Variants in RANBP2 observed in about 807,000 individuals in gnomAD.
The protein encoded by RANBP2 is RAN binding protein 2, also known as E3 SUMO-protein ligase RanBP2.
RANBP2 carries 57 observed loss-of-function variants against 303.6 expected under a neutral mutation model. That is an observed-to-expected ratio of 0.19 (90% CI 0.15 to 0.23). The LOEUF (loss-of-function observed/expected upper bound fraction) is 0.23. Among genes scored for constraint, RANBP2 ranks in the 10% least tolerant of loss-of-function variants. The pLI, the probability that RANBP2 is intolerant of heterozygous loss-of-function variation, is 1.00. For synonymous variants in RANBP2, 1,167 were observed against 1,301.5 expected, an observed-to-expected ratio of 0.90 and a Z score of 2.23; for missense variants, 3,138 against 3,780.8, an observed-to-expected ratio of 0.83 and a Z score of 4.46.
the RANBP2 span, among the ~76,000 whole-genome samples, chr2:109,424,923 G>A: frequency 6.6e-6 from 1 of 152,186 alleles, no homozygotes; most frequent in African/African-American, 2.4e-5. Flanking sequence ...TAAGCTTGGC[G>A]AGGAAGTCAT....
the RANBP2 span, among the ~76,000 whole-genome samples, chr2:109,383,591 C>A: frequency 1.5e-4 from 23 of 152,174 alleles, no homozygotes; most frequent in South Asian, 1.2e-3. Flanking sequence ...CCGGGAAATG[C>A]CCAAACCGTG....
At chr2:109,379,665 C>G in the RANBP2 span, among the ~76,000 whole-genome samples, 1 of 152,192 alleles carries the variant, frequency 6.6e-6, no homozygotes, top group Non-Finnish European at 1.5e-5. Context: ...CCTGCCGCAG[C>G]GACAGCCTGT....
At chr2:109,433,668 C>T in the RANBP2 span, among the ~76,000 whole-genome samples, 1 of 152,166 alleles carries the variant, frequency 6.6e-6, no homozygotes, top group Non-Finnish European at 1.5e-5. Context: ...GGGACACATG[C>T]GGTGTTGACT....
the RANBP2 span, among the ~76,000 whole-genome samples, chr2:109,601,555 C>A: frequency 4.6e-5 from 7 of 152,260 alleles, no homozygotes; most frequent in African/African-American, 1.4e-4. Flanking sequence ...TTCATGTTTT[C>A]CCACTTGCCT....
the RANBP2 span, among the ~76,000 whole-genome samples, chr2:108,874,287 T>A: frequency 6.6e-6 from 1 of 152,194 alleles, no homozygotes. Context: ...TAGTAAACTC[T>A]TATGGACTGC....
At chr2:109,527,556 G>A in the RANBP2 span, among the ~76,000 whole-genome samples, 7 of 152,096 alleles carry the variant, frequency 4.6e-5, no homozygotes, top group Non-Finnish European at 8.8e-5. Flanking sequence ...GATGTCACTG[G>A]ACCCACAGCC....
chr2:109,246,227 G>A, the RANBP2 span, among the ~76,000 whole-genome samples: 1,322 of 152,286 alleles, frequency 8.7e-3, 22 homozygotes, highest in African/African-American at 0.03. Flanking sequence ...GTTTAAAAGC[G>A]GCAGCAATTT....
At chr2:109,628,689 G>C in the RANBP2 span, among the ~76,000 whole-genome samples, 2 of 151,898 alleles carry the variant, frequency 1.3e-5, no homozygotes, top group Non-Finnish European at 2.9e-5. Context: ...CTCTCTGCTT[G>C]CTTATGTATA....
At chr2:108,810,827 G>C in the RANBP2 span, among the ~76,000 whole-genome samples, 3 of 152,168 alleles carry the variant, frequency 2.0e-5, no homozygotes, top group African/African-American at 7.2e-5. Context: ...GCTTTTCTTT[G>C]TTGGGAAACT....
At chr2:109,212,472 TCCTGACTG>T in the RANBP2 span, among the ~76,000 whole-genome samples, 1 of 152,190 alleles carries the variant, frequency 6.6e-6, no homozygotes, top group Non-Finnish European at 1.5e-5. Flanking sequence ...TTAGCAACCA[TCCTGACTG>T]CATTGTGAGG....
chr2:109,147,054 A>G, the RANBP2 span, among the ~76,000 whole-genome samples: 1 of 151,794 alleles, frequency 6.6e-6, no homozygotes, highest in South Asian at 2.1e-4. Flanking sequence ...TGCCCTCCCA[A>G]CAACTGTCCA....
the RANBP2 span, chr2:109,501,770 T>A: frequency 1.5e-6 from 1 of 648,166 alleles, no homozygotes. Context: ...GGGTTCCAGG[T>A]CATCTCCAAG....
chr2:109,092,248 G>A, the RANBP2 span, among the ~76,000 whole-genome samples: 1 of 152,106 alleles, frequency 6.6e-6, no homozygotes, highest in Admixed American at 6.5e-5. Context: ...CTGTCTTTTG[G>A]TAAGCGCAAC....
At chr2:109,297,223 G>T in the RANBP2 span, among the ~76,000 whole-genome samples, 2 of 152,020 alleles carry the variant, frequency 1.3e-5, no homozygotes, top group African/African-American at 4.8e-5. Flanking sequence ...GATTCATTCA[G>T]CTGTTTTTCA....
the RANBP2 span, among the ~76,000 whole-genome samples, chr2:108,813,364 T>C: frequency 6.6e-6 from 1 of 152,038 alleles, no homozygotes; most frequent in Non-Finnish European, 1.5e-5. Flanking sequence ...GAATGTTTGC[T>C]ATGGAAGGGA....
At chr2:109,297,858 C>G in the RANBP2 span, among the ~76,000 whole-genome samples, 2 of 152,168 alleles carry the variant, frequency 1.3e-5, no homozygotes, top group Admixed American at 1.3e-4. Context: ...GCCAGTTCGC[C>G]CCACCCAGGC....
At chr2:108,875,958 C>T in the RANBP2 span, 1 of 569,960 alleles carries the variant, frequency 1.8e-6, no homozygotes, top group Admixed American at 3.2e-5. Flanking sequence ...CTTTTAGTTG[C>T]CTATTTTCTC....
At chr2:109,317,806 C>T in the RANBP2 span, among the ~76,000 whole-genome samples, 1 of 152,084 alleles carries the variant, frequency 6.6e-6, no homozygotes, top group South Asian at 2.1e-4. Context: ...GGGATGTATC[C>T]TAGGACTTTA....
chr2:109,583,864 T>A, the RANBP2 span, among the ~76,000 whole-genome samples: 1 of 152,166 alleles, frequency 6.6e-6, no homozygotes, highest in South Asian at 2.1e-4. Flanking sequence ...GAGGCCGTTA[T>A]CCTAAGCAAA....
Sources: gnomAD v4.1 joint callset for allele counts (sites outside exome capture counted in the v4.1 genomes callset) on GRCh38, gnomAD v4.1.1 for gene constraint, MANE v1.5 for transcripts, NCBI Gene and HGNC (gene_info 2026-07-23, HGNC 2026-07-21) for gene names.